GSDMD: variants seen among roughly 807,000 people sequenced by gnomAD.
The protein encoded by GSDMD is gasdermin-D.
In GSDMD, 46 loss-of-function variants were observed where a neutral mutation model predicts 46.7. That is an observed-to-expected ratio of 0.99 (90% confidence interval 0.78 to 1.26). GSDMD has a LOEUF of 1.26. GSDMD is among the 50% of genes most tolerant of loss of function. GSDMD has a pLI of 0.00. For synonymous variants in GSDMD, 307 were observed against 283.1 expected (o/e 1.08, Z -0.85); for missense variants, 649 against 638.8 (o/e 1.02, Z -0.17).
rs1202640448 is a variant in GSDMD, at chr8:143,561,354, C to G, written c.683-16C>G. On this transcript the variant is annotated splice_polypyrimidine_tract_variant and intron_variant, in intron 5 of 10. Transcript: ENST00000262580. ...GGTGACATGCCTGTCCCTGTCTGCT[C>G]CCGTCTGGCTGCCAGACGTCCTTCT... 1 of 1,597,014 alleles carries G rather than the reference C, an allele frequency of 6.3e-7. No homozygotes were observed. Among genetic ancestry groups the G allele is most frequent in the African/African-American group, 1.3e-5 (1 of 74,786 alleles).
intron 7 of GSDMD, 54 bp downstream of exon 7, chr8:143,561,882 G>A: frequency 1.2e-6 from 2 of 1,608,884 alleles, no homozygotes; most frequent in Non-Finnish European, 1.7e-6. Context: ...CCTGCCCCCT[G>A]GGGTCTGCCT....
At chr8:143,561,456 C>T (rs772021570) in intron 6 of GSDMD, 33 bp downstream of exon 6, 19 of 1,597,964 alleles carry the variant, frequency 1.2e-5, no homozygotes, top group Admixed American at 1.0e-4. Flanking sequence ...ATGGGGTGTC[C>T]GGTGGGAAAA....
chr8:143,561,658 G>A (rs939628293), intron 6 of GSDMD, 84 bp from the exon 7 acceptor site: 11 of 1,191,154 alleles, frequency 9.2e-6, no homozygotes, highest in Middle Eastern at 2.6e-4. Flanking sequence ...GGGCTGTGAC[G>A]GCCTGGGGAA....
At chr8:143,560,930 G>A (rs746163136) in intron 4 of GSDMD, 72 bp from the exon 5 acceptor site, 65 of 1,437,364 alleles carry the variant, frequency 4.5e-5, no homozygotes, top group Middle Eastern at 1.9e-4. Context: ...GCCTGCCCCC[G>A]GCACCCGGCC....
At chr8:143,560,026 TTTTATTTA>T in intron 3 of GSDMD, 57 bp downstream of exon 3, 1 of 1,285,018 alleles carries the variant, frequency 7.8e-7, no homozygotes, top group South Asian at 1.3e-5. Context: ...GCAACCCTGC[TTTTATTTA>T]TTTATTTATT....
In GSDMD at chr8:143,562,175, C is replaced by T. The variant is rs372590780; in HGVS notation, c.997-34C>T. The T allele has an allele frequency of 5.8e-5, 92 of 1,593,980 alleles. No individual in the cohort carries two copies. In the African/African-American group the frequency reaches 7.9e-4, roughly 14 times the overall value. ...CCGGGGCACACAAGGCCTGCCCAGC[C>T]AGCCAGACTCACCTGCCCTTCCCGT... On this transcript the variant is annotated intron_variant, in intron 8 of 10. Coordinates refer to ENST00000262580, the MANE Select transcript of GSDMD (RefSeq NM_024736.7).
At chr8:143,554,271 G>A (rs1463530163), upstream of GSDMD, among the ~76,000 whole-genome samples, 4 of 152,246 alleles carry the variant, frequency 2.6e-5, no homozygotes, top group Non-Finnish European at 5.9e-5. Context: ...ACATATAAAT[G>A]CAGATGCGTG....
intron 1 of GSDMD, 41 bp downstream of exon 1, chr8:143,558,492 TCC>T: frequency 1.4e-6 from 2 of 1,420,994 alleles, no homozygotes; most frequent in Non-Finnish European, 1.8e-6. Context: ...TGGCTGGAGC[TCC>T]CGAGTGGGGC....
chr8:143,557,856 G>T (rs1338133813), upstream of GSDMD: 3 of 373,778 alleles, frequency 8.0e-6, no homozygotes, highest in African/African-American at 2.1e-5. Context: ...ATCTTTGGAA[G>T]ATCTGCCCAG....
chr8:143,562,285 T>C lies in GSDMD; in HGVS notation c.1073T>C (p.Leu358Ser). 2.6e-6 allele frequency: 4 copies of C among 1,555,754 alleles called. No homozygotes were observed. The highest frequency in any genetic ancestry group is 3.5e-6 in the Non-Finnish European group (4 of 1,150,918). ...GGTGCTGTCCTGGAGTGCCTGGTGT[T>C]GTCCTCCGGAATGCTGGTGCCGGAA... ...PAGAVLECLV[L>S]SSGMLVPELA... Residue 358 changes from leucine to serine, a missense_variant, in exon 9 of 11, where the codon TTG becomes TCG. Transcript: ENST00000262580.
chr8:143,562,343 A>G lies in GSDMD; in HGVS notation c.1131A>G (p.Ala377=), dbSNP rs754381809. 1.5e-6 allele frequency: 2 copies of G among 1,343,962 alleles called. No homozygotes were observed. The highest frequency in any genetic ancestry group is 2.5e-5 in the South Asian group (2 of 81,432). 83.3% of individuals were successfully genotyped at this position (1,343,962 alleles called of 1,614,324 possible). The change falls in exon 9 of 11, where the codon GCA becomes GCG. Residue 377 remains alanine, a synonymous_variant. Transcript: ENST00000262580. ...TCCCTGTTGTCTACCTGCTGGGGGC[A>G]CTGACCAGTGAGCGGCCGCTGGGGG... The part of the protein sequence containing the change: ...LAIPVVYLLG[A]LTMLSETQHK...
chr8:143,561,720 G>T, intron 6 of GSDMD, 22 bp from the exon 7 acceptor site: 1 of 1,586,936 alleles, frequency 6.3e-7, no homozygotes, highest in Non-Finnish European at 8.6e-7. Context: ...GACCAGCCCT[G>T]CCCTCCCATG....
Position 143,559,804 on chromosome 8 carries a change from TC to T in GSDMD, c.246del (p.Tyr83ThrfsTer36). 1 of 1,607,538 alleles carries T rather than the reference TC, an allele frequency of 6.2e-7. No individual in the cohort carries two copies. The highest frequency in any genetic ancestry group is 8.5e-7 in the Non-Finnish European group (1 of 1,177,210). On this transcript the variant is annotated frameshift_variant, in exon 3 of 11. Coordinates refer to ENST00000262580, the MANE Select transcript of GSDMD (RefSeq NM_024736.7). LOFTEE classifies it high-confidence loss of function. Reference sequence around the variant, plus strand: ...GTGCAGCGTGGCAGGAGCTTCCACTTCTACGATGCCATGGATGGGCAGATAC... The same window carrying T: ...GTGCAGCGTGGCAGGAGCTTCCACTTTACGATGCCATGGATGGGCAGATAC... ...PDVQRGRSFH[F>X]YDAMDGQIQG...
At chr8:143,561,204 G>T in intron 5 of GSDMD, 100 bp downstream of exon 5, 2 of 1,276,714 alleles carry the variant, frequency 1.6e-6, no homozygotes, top group Non-Finnish European at 1.1e-6. Flanking sequence ...TGGGCCCCTG[G>T]CTGAACAACG....
intron 3 of GSDMD, 189 bp from the exon 4 acceptor site, chr8:143,560,414 C>T (rs1028513689): frequency 2.3e-5 from 15 of 642,724 alleles, no homozygotes; most frequent in Non-Finnish European, 3.8e-5. Context: ...TTGGAGTCCC[C>T]GAGTCCACCT....
chr8:143,560,801 C>A (rs1471252165), intron 4 of GSDMD, 30 bp downstream of exon 4: 2 of 1,495,628 alleles, frequency 1.3e-6, no homozygotes, highest in East Asian at 5.1e-5. Flanking sequence ...CCACGCCTGG[C>A]CCCCCACGTG....
chr8:143,560,237 C>T (rs1355653187), intron 3 of GSDMD: 4 of 687,998 alleles, frequency 5.8e-6, no homozygotes, highest in African/African-American at 3.5e-5. Flanking sequence ...GGCAAAAGAG[C>T]GCTGTGGCCG....
chr8:143,558,886 C>T (rs541998386), intron 1 of GSDMD: 6 of 533,046 alleles, frequency 1.1e-5, no homozygotes, highest in East Asian at 4.9e-5. Flanking sequence ...GCTCCAGGCA[C>T]AGAGAAGGCC....
In GSDMD at chr8:143,563,009, T is replaced by C. The variant is rs1346084704; in HGVS notation, c.*105T>C. The C allele has an allele frequency of 1.4e-6, 2 of 1,451,782 alleles. No individual in the cohort carries two copies. The highest frequency in any genetic ancestry group is 2.4e-5 in the South Asian group (2 of 84,834). The allele number at this position is 1,451,782 out of a possible 1,614,324, so 89.9% of individuals were successfully genotyped here. On this transcript the variant is annotated 3_prime_UTR_variant, in exon 11 of 11. Coordinates refer to ENST00000262580, the MANE Select transcript of GSDMD (RefSeq NM_024736.7). ...GAGCCCAGTAGCCATGTGGCCAGTC[T>C]ACCATGGGGCCCAGGAGTTGGGGAA...
Sources: allele counts gnomAD v4.1 joint callset (sites outside exome capture counted in the v4.1 genomes callset), GRCh38; gene constraint gnomAD v4.1.1; transcripts MANE v1.5; gene names NCBI Gene and HGNC (gene_info 2026-07-23, HGNC 2026-07-21).